The following IMMP2L variants were observed in gnomAD, a reference collection of about 807,000 sequenced individuals.
IMMP2L encodes inner mitochondrial membrane peptidase subunit 2.
IMMP2L carries 18 observed loss-of-function variants against 19.3 expected under a neutral mutation model. The observed-to-expected ratio is 0.93, with a 90% CI of 0.64 to 1.38. The LOEUF is 1.38. Ranked by LOEUF, IMMP2L falls within the 40% of genes most tolerant of loss-of-function variation. IMMP2L has a pLI of 0.00. For missense variants in IMMP2L, 233 were observed against 218.2 expected (o/e 1.07, Z -0.43); for synonymous variants, 76 against 73.0 (o/e 1.04, Z -0.21).
intron 1 of IMMP2L, among the ~76,000 whole-genome samples, chr7:111,545,896 A>G (rs1379874917): frequency 2.0e-5 from 3 of 152,116 alleles, no homozygotes; most frequent in Non-Finnish European, 4.4e-5. Flanking sequence ...ATCCCCAGAG[A>G]CATTTTTCAT....
chr7:110,885,050 T>A (rs182710537), intron 5 of IMMP2L, among the ~76,000 whole-genome samples: 1 of 152,172 alleles, frequency 6.6e-6, no homozygotes, highest in African/African-American at 2.4e-5. Flanking sequence ...CGACATTAAA[T>A]TTTAGAAAAA....
intron 5 of IMMP2L, among the ~76,000 whole-genome samples, chr7:110,828,133 A>C (rs535707883): frequency 8.8e-4 from 134 of 152,280 alleles, no homozygotes; most frequent in African/African-American, 3.1e-3. Flanking sequence ...TAAACATTTT[A>C]GGCTTTGTAG....
At chr7:111,175,809 G>A (rs889203780) in intron 3 of IMMP2L, among the ~76,000 whole-genome samples, 1 of 151,762 alleles carries the variant, frequency 6.6e-6, no homozygotes, top group Admixed American at 6.6e-5. Flanking sequence ...TTCCTGCACA[G>A]CAAAGAAAAC....
intron 5 of IMMP2L, among the ~76,000 whole-genome samples, chr7:110,851,791 C>A (rs910122436): frequency 1.3e-5 from 2 of 151,978 alleles, no homozygotes; most frequent in Non-Finnish European, 2.9e-5. Flanking sequence ...GGAATTTATG[C>A]AGAAATTAAA....
At chr7:111,492,009 C>T (rs1843151400) in intron 2 of IMMP2L, among the ~76,000 whole-genome samples, 1 of 151,574 alleles carries the variant, frequency 6.6e-6, no homozygotes, top group Non-Finnish European at 1.5e-5. Context: ...GTGACCACAA[C>T]TCATAAGATC....
intron 3 of IMMP2L, among the ~76,000 whole-genome samples, chr7:111,288,004 A>G (rs1820684484): frequency 1.3e-5 from 2 of 152,210 alleles, no homozygotes; most frequent in South Asian, 4.1e-4. Flanking sequence ...TGCATAGGTA[A>G]ACATCAAAAA....
chr7:111,154,115 C>T (rs1253060050), intron 3 of IMMP2L, among the ~76,000 whole-genome samples: 1 of 152,024 alleles, frequency 6.6e-6, no homozygotes, highest in Non-Finnish European at 1.5e-5. Context: ...ATTTATTACT[C>T]AATCTTGTTT....
At chr7:111,013,681 G>GA in intron 3 of IMMP2L, among the ~76,000 whole-genome samples, 1 of 152,116 alleles carries the variant, frequency 6.6e-6, no homozygotes, top group Admixed American at 6.5e-5. Context: ...CCTACAAGTG[G>GA]AAAAAATCAT....
At chr7:111,456,268 G>T in intron 3 of IMMP2L, among the ~76,000 whole-genome samples, 1 of 151,934 alleles carries the variant, frequency 6.6e-6, no homozygotes, top group Non-Finnish European at 1.5e-5. Context: ...AAACAAGATG[G>T]TATCACATAA....
intron 5 of IMMP2L, among the ~76,000 whole-genome samples, chr7:110,863,914 T>C (rs1807713671): frequency 6.6e-6 from 1 of 152,066 alleles, no homozygotes; most frequent in Non-Finnish European, 1.5e-5. Context: ...GATGCAGACA[T>C]ATTCTCTTCC....
chr7:110,891,317 GA>G (rs1156441904), intron 4 of IMMP2L, among the ~76,000 whole-genome samples: 4 of 151,636 alleles, frequency 2.6e-5, no homozygotes, highest in African/African-American at 4.8e-5. Flanking sequence ...CTCTGAAAGA[GA>G]AAAAAACTCT....
At chr7:110,909,432 T>C (rs1376605446) in intron 4 of IMMP2L, among the ~76,000 whole-genome samples, 1 of 152,150 alleles carries the variant, frequency 6.6e-6, no homozygotes, top group East Asian at 1.9e-4. Flanking sequence ...CAATGTAGCA[T>C]GGCAGGGTGT....
intron 3 of IMMP2L, among the ~76,000 whole-genome samples, chr7:111,378,731 T>A (rs1830917960): frequency 6.6e-6 from 1 of 151,876 alleles, no homozygotes; most frequent in Non-Finnish European, 1.5e-5. Context: ...TAGCAACAAA[T>A]CCATTGTCTG....
intron 5 of IMMP2L, among the ~76,000 whole-genome samples, chr7:110,782,234 C>G (rs1269512926): frequency 6.6e-6 from 1 of 151,722 alleles, no homozygotes; most frequent in East Asian, 1.9e-4. Flanking sequence ...ATATTTTAAG[C>G]CTAAGGTAGA....
intron 3 of IMMP2L, among the ~76,000 whole-genome samples, chr7:111,173,068 T>C (rs1224051433): frequency 6.6e-6 from 1 of 151,574 alleles, no homozygotes; most frequent in Non-Finnish European, 1.5e-5. Flanking sequence ...AAAGAATAAC[T>C]GAGAGTTTAG....
intron 3 of IMMP2L, among the ~76,000 whole-genome samples, chr7:110,982,501 T>C (rs1273652800): frequency 6.6e-6 from 1 of 152,114 alleles, no homozygotes; most frequent in East Asian, 1.9e-4. Context: ...AATCCTGGTA[T>C]TGAATAGGCA....
chr7:111,508,746 G>C (rs554335432), intron 2 of IMMP2L, among the ~76,000 whole-genome samples: 1 of 152,288 alleles, frequency 6.6e-6, no homozygotes, highest in East Asian at 1.9e-4. Flanking sequence ...GAAAGGGTAG[G>C]TATATGTGAA....
At chr7:110,954,304 T>A (rs1818150227) in intron 4 of IMMP2L, among the ~76,000 whole-genome samples, 1 of 152,074 alleles carries the variant, frequency 6.6e-6, no homozygotes, top group South Asian at 2.1e-4. Context: ...ATCTTCATAG[T>A]GGCAATTCTC....
intron 3 of IMMP2L, among the ~76,000 whole-genome samples, chr7:111,330,617 C>G (rs1240357147): frequency 2.6e-5 from 4 of 151,372 alleles, no homozygotes; most frequent in African/African-American, 9.7e-5. Context: ...TGAATTCAAA[C>G]AACATACACA....
Sources: gnomAD v4.1 joint callset for allele counts (sites outside exome capture counted in the v4.1 genomes callset) on GRCh38, gnomAD v4.1.1 for gene constraint, MANE v1.5 for transcripts, NCBI Gene and HGNC (gene_info 2026-07-23, HGNC 2026-07-21) for gene names.